Variants in ITFG1 observed in about 807,000 individuals in gnomAD.
ITFG1 encodes the protein integrin alpha FG-GAP repeat containing 1, also known as T-cell immunomodulatory protein.
In ITFG1, 34 loss-of-function variants were observed where a neutral mutation model predicts 81.8. The ratio of observed to expected loss-of-function variants is 0.42; its 90% CI spans 0.32 to 0.55. The LOEUF (loss-of-function observed/expected upper bound fraction) is 0.55, where lower values mean the gene tolerates loss of function less well. Ranked by LOEUF, ITFG1 falls within the 20% of genes least tolerant of loss-of-function variation. The probability of loss-of-function intolerance (pLI) is 0.17; values close to 1 mark genes in which losing one functional copy is unlikely to be tolerated. For synonymous variants in ITFG1, 285 were observed against 270.6 expected (o/e 1.05, Z -0.52); for missense variants, 672 against 755.4 (o/e 0.89, Z 1.29).
chr16:47,374,273 C>A (rs1347314251), intron 7 of ITFG1, among the ~76,000 whole-genome samples: 1 of 152,094 alleles, frequency 6.6e-6, no homozygotes, highest in Non-Finnish European at 1.5e-5. Flanking sequence ...ACTGATCCAG[C>A]CCTTTATAAG....
intron 10 of ITFG1, among the ~76,000 whole-genome samples, chr16:47,287,171 A>G (rs1966872757): frequency 6.6e-6 from 1 of 152,214 alleles, no homozygotes; most frequent in Admixed American, 6.5e-5. Flanking sequence ...TCTGTACACC[A>G]TACAGAGAAA....
At chr16:47,248,721 G>A (rs1421444615) in intron 12 of ITFG1, among the ~76,000 whole-genome samples, 1 of 152,134 alleles carries the variant, frequency 6.6e-6, no homozygotes, top group Non-Finnish European at 1.5e-5. Context: ...TACAGCAAAA[G>A]CCCATTTTTT....
chr16:47,433,581 T>C (rs1484650922), intron 5 of ITFG1, among the ~76,000 whole-genome samples: 1 of 151,784 alleles, frequency 6.6e-6, no homozygotes, highest in Non-Finnish European at 1.5e-5. Context: ...CTTCACAGTA[T>C]TTTAAGTTTT....
At chr16:47,312,280 A>G (rs929076357) in intron 9 of ITFG1, 1 of 152,202 alleles carries the variant, frequency 6.6e-6, no homozygotes, top group African/African-American at 2.4e-5. Context: ...AGAAGCAGGC[A>G]CAGCTGACTT....
chr16:47,367,633 G>T (rs1319562607), intron 7 of ITFG1, among the ~76,000 whole-genome samples: 1 of 152,156 alleles, frequency 6.6e-6, no homozygotes, highest in Non-Finnish European at 1.5e-5. Context: ...TCTTTACAGA[G>T]AAATGCTATA....
At chr16:47,164,010 G>C (rs569183406) in intron 14 of ITFG1, among the ~76,000 whole-genome samples, 1 of 151,054 alleles carries the variant, frequency 6.6e-6, no homozygotes, top group Non-Finnish European at 1.5e-5. Context: ...CACATTTTCT[G>C]TTGTCTTTTT....
intron 10 of ITFG1, among the ~76,000 whole-genome samples, chr16:47,282,416 T>A (rs1427834828): frequency 6.6e-6 from 1 of 152,096 alleles, no homozygotes; most frequent in Non-Finnish European, 1.5e-5. Flanking sequence ...AGACACGATT[T>A]CATTCTTTTT....
At chr16:47,443,917 T>C (rs1346533690) in intron 5 of ITFG1, among the ~76,000 whole-genome samples, 4 of 151,780 alleles carry the variant, frequency 2.6e-5, no homozygotes, top group Non-Finnish European at 4.4e-5. Flanking sequence ...ATAAATAAAA[T>C]AAAATGTAAG....
intron 8 of ITFG1, among the ~76,000 whole-genome samples, chr16:47,351,074 G>C (rs1193633022): frequency 1.3e-5 from 2 of 152,100 alleles, no homozygotes. Context: ...AATAATAAGA[G>C]CTATTTATGA....
At chr16:47,325,689 T>C (rs983412546) in intron 8 of ITFG1, among the ~76,000 whole-genome samples, 1 of 152,132 alleles carries the variant, frequency 6.6e-6, no homozygotes. Context: ...GAGAATACTA[T>C]AAACACCTCT....
chr16:47,432,230 G>T (rs1405644783), intron 5 of ITFG1, among the ~76,000 whole-genome samples: 1 of 152,140 alleles, frequency 6.6e-6, no homozygotes, highest in Non-Finnish European at 1.5e-5. Flanking sequence ...ATAGTAATAT[G>T]TTCCAGTCCA....
chr16:47,274,950 G>A (rs1966382252), intron 10 of ITFG1, among the ~76,000 whole-genome samples: 1 of 152,120 alleles, frequency 6.6e-6, no homozygotes, highest in African/African-American at 2.4e-5. Context: ...TCTGTAGTAT[G>A]TAAAGAATTG....
chr16:47,380,868 A>G (rs1250906663), intron 6 of ITFG1, among the ~76,000 whole-genome samples: 3 of 152,224 alleles, frequency 2.0e-5, no homozygotes, highest in African/African-American at 7.2e-5. Context: ...AGATCACATC[A>G]TGATTTCATG....
intron 10 of ITFG1, among the ~76,000 whole-genome samples, chr16:47,281,570 T>TATATGTTA (rs901445089): frequency 6.6e-6 from 1 of 152,184 alleles, no homozygotes; most frequent in African/African-American, 2.4e-5. Flanking sequence ...TATACAATGG[T>TATATGTTA]TCCTATGATC....
At chr16:47,283,432 T>C (rs532561334) in intron 10 of ITFG1, among the ~76,000 whole-genome samples, 37 of 152,336 alleles carry the variant, frequency 2.4e-4, no homozygotes, top group Admixed American at 1.3e-3. Context: ...TTCTGTCCCA[T>C]TGATCTGTGT....
At chr16:47,430,613 G>A (rs1969083246) in intron 5 of ITFG1, among the ~76,000 whole-genome samples, 2 of 152,026 alleles carry the variant, frequency 1.3e-5, no homozygotes, top group African/African-American at 2.4e-5. Context: ...TAATATTGTG[G>A]AAAATAATAA....
intron 7 of ITFG1, among the ~76,000 whole-genome samples, chr16:47,372,412 C>T (rs1278483958): frequency 2.0e-5 from 3 of 151,564 alleles, no homozygotes; most frequent in Non-Finnish European, 2.9e-5. Context: ...TAATTTTTTT[C>T]CTGCCCAAAA....
At chr16:47,450,259 A>G (rs1163517435) in intron 5 of ITFG1, 27 of 165,098 alleles carry the variant, frequency 1.6e-4, no homozygotes, top group Admixed American at 1.4e-3. Context: ...AATTTTGGAG[A>G]AAAAAACAGG....
At chr16:47,433,282 T>C (rs1171550656) in intron 5 of ITFG1, among the ~76,000 whole-genome samples, 1 of 152,214 alleles carries the variant, frequency 6.6e-6, no homozygotes, top group Non-Finnish European at 1.5e-5. Context: ...ATATACTCCT[T>C]TAAGAATCTT....
Sources: allele counts gnomAD v4.1 joint callset (sites outside exome capture counted in the v4.1 genomes callset), GRCh38; gene constraint gnomAD v4.1.1; transcripts MANE v1.5; gene names NCBI Gene and HGNC (gene_info 2026-07-23, HGNC 2026-07-21).